The following RAP2A variants were observed in gnomAD, a reference collection of about 807,000 sequenced individuals.
RAP2A encodes the protein ras-related protein Rap-2a.
A neutral mutation model predicts 15.1 loss-of-function variants in RAP2A; 5 were observed. That is an observed-to-expected ratio of 0.33 (90% CI 0.17 to 0.70). RAP2A has a LOEUF of 0.70. Among genes scored for constraint, RAP2A ranks in the 30% least tolerant of loss-of-function variants. RAP2A has a pLI of 0.68. For missense variants in RAP2A, 111 were observed against 240.3 expected, an observed-to-expected ratio of 0.46 and a Z score of 3.56; for synonymous variants, 110 against 99.7, an observed-to-expected ratio of 1.10 and a Z score of -0.62.
rs1034218141 is a variant in RAP2A, at chr13:97,434,314, CGCCGCCGCCGGCGCCCAG to C, written c.-155_-138del. 5.1e-6 allele frequency: 2 copies of C among 388,874 alleles called. No individual in the cohort carries two copies. Among genetic ancestry groups the C allele is most frequent in the African/African-American group, 4.5e-5 (2 of 44,482 alleles). The allele number at this position is 388,874 out of a possible 1,614,324, so 24.1% of individuals were successfully genotyped here. ...GGGCCGCTGCTCCCTCAGTTGCCGC[CGCCGCCGCCGGCGCCCAG>C]GGGGCCGCCGCGGCTGTGAGGTGGG... On this transcript the variant is annotated 5_prime_UTR_variant, in exon 1 of 2. Transcript: ENST00000245304.
At chr13:97,444,494 A>C (rs920074405) in intron 1 of RAP2A, among the ~76,000 whole-genome samples, 35 of 152,286 alleles carry the variant, frequency 2.3e-4, no homozygotes, top group African/African-American at 7.9e-4. Flanking sequence ...TTAATAATCA[A>C]ATTGAGAAAA....
Position 97,464,560 on chromosome 13 carries a change from C to A in RAP2A, c.*118C>A. ...GTGTTAATCTACAGAGAACTGCAGC[C>A]CTTATTCAGAATTGAGCAGTGATTG... is the stretch of plus-strand genomic sequence containing the variant. On this transcript the variant is annotated 3_prime_UTR_variant, in exon 2 of 2. Transcript: ENST00000245304. 1 of 938,532 alleles carries A rather than the reference C, an allele frequency of 1.1e-6. No homozygotes were observed. The highest frequency in any genetic ancestry group is 2.4e-5 in the East Asian group (1 of 41,350). The allele number at this position is 938,532 out of a possible 1,614,324, so 58.1% of individuals were successfully genotyped here. A position where few individuals can be genotyped will look rare whatever the true frequency, so the allele number is the denominator to read the frequency against.
At chr13:97,458,582 A>G (rs1306940303) in intron 1 of RAP2A, among the ~76,000 whole-genome samples, 2 of 152,146 alleles carry the variant, frequency 1.3e-5, no homozygotes, top group Non-Finnish European at 2.9e-5. Flanking sequence ...ATATAGACAT[A>G]TTACATATTT....
At position 97,465,698 on chromosome 13, in the gene RAP2A, T is replaced by C. The variant is rs2066767705; in HGVS notation, c.*1256T>C. The C allele has an allele frequency of 6.6e-6, 1 of 152,206 alleles. No individual in the cohort carries two copies. Among genetic ancestry groups the C allele is most frequent in the Non-Finnish European group, 1.5e-5 (1 of 68,034 alleles). 9.4% of individuals were successfully genotyped at this position (152,206 alleles called of 1,614,324 possible). ...AATAAAGCTGGAGTGAAAATTTTGTTTTGAAAAGGTGCTCAAGCTCTGACA... is the reference window on the plus strand; with the variant it reads ...AATAAAGCTGGAGTGAAAATTTTGTCTTGAAAAGGTGCTCAAGCTCTGACA... On this transcript the variant is annotated 3_prime_UTR_variant, in exon 2 of 2. Coordinates refer to ENST00000245304, the MANE Select transcript of RAP2A (RefSeq NM_021033.7).
intron 1 of RAP2A, among the ~76,000 whole-genome samples, chr13:97,450,721 T>G (rs954806469): frequency 4.6e-5 from 7 of 152,244 alleles, no homozygotes; most frequent in African/African-American, 1.7e-4. Flanking sequence ...TTCTAAATGA[T>G]AAGGTTTGGG....
Position 97,468,177 on chromosome 13 carries a change from A to G in RAP2A, c.*3735A>G, listed in dbSNP as rs909990601. On this transcript the variant is annotated 3_prime_UTR_variant, in exon 2 of 2. Transcript: ENST00000245304. ...CATAGTCTTTAAAAATAAAAATAAC[A>G]TGTAAGAGACTGTAAAATCAGTTAT... is the stretch of plus-strand genomic sequence containing the variant. 2 of 152,186 alleles carry G rather than the reference A, an allele frequency of 1.3e-5. No homozygotes were observed. The highest frequency in any genetic ancestry group is 4.8e-5 in the African/African-American group (2 of 41,460). 9.4% of individuals were successfully genotyped at this position (152,186 alleles called of 1,614,324 possible).
At chr13:97,447,621 TAAAG>T (rs1457945089) in intron 1 of RAP2A, among the ~76,000 whole-genome samples, 3 of 152,222 alleles carry the variant, frequency 2.0e-5, no homozygotes, top group African/African-American at 7.2e-5. Flanking sequence ...CAAGGCATGA[TAAAG>T]AAAAATAATA....
rs1177765177 is a variant in RAP2A, at chr13:97,468,028, G to A, written c.*3586G>A. 2 of 152,180 alleles carry A rather than the reference G, an allele frequency of 1.3e-5. No homozygotes were observed. The highest frequency in any genetic ancestry group is 1.3e-4 in the Admixed American group (2 of 15,276). The allele number at this position is 152,180 out of a possible 1,614,324, so 9.4% of individuals were successfully genotyped here. On this transcript the variant is annotated 3_prime_UTR_variant, in exon 2 of 2. Coordinates refer to ENST00000245304, the MANE Select transcript of RAP2A (RefSeq NM_021033.7). ...CTTTGTTTTGTACATGCTCATGAGAGAAATGTATTATATACAAAAACAATT... is the reference window on the plus strand; with the variant it reads ...CTTTGTTTTGTACATGCTCATGAGAAAAATGTATTATATACAAAAACAATT...
chr13:97,444,562 T>G (rs963755117), intron 1 of RAP2A, among the ~76,000 whole-genome samples: 2 of 152,198 alleles, frequency 1.3e-5, no homozygotes, highest in Admixed American at 6.5e-5. Flanking sequence ...GCCACCTCAT[T>G]TGCATAGCAT....
rs2066772440 is a variant in RAP2A, at chr13:97,466,561, A to G, written c.*2119A>G. ...ATGATTCTTTAGAATTCTATAATTC[A>G]TAGCAATTTTTGACAAGTAAGATTG... On this transcript the variant is annotated 3_prime_UTR_variant, in exon 2 of 2. Transcript: ENST00000245304. 6.6e-6 allele frequency: 1 copy of G among 152,258 alleles called. No homozygotes were observed. Among genetic ancestry groups the G allele is most frequent in the Non-Finnish European group, 1.5e-5 (1 of 68,048 alleles). The allele number at this position is 152,258 out of a possible 1,614,324, so 9.4% of individuals were successfully genotyped here.
At chr13:97,435,236 C>T (rs917327354) in intron 1 of RAP2A, among the ~76,000 whole-genome samples, 3 of 152,110 alleles carry the variant, frequency 2.0e-5, no homozygotes, top group Admixed American at 1.3e-4. Flanking sequence ...GGAGACCTTT[C>T]TCATCTCGTT....
Position 97,465,511 on chromosome 13 carries a change from G to GCATTTTAAAAATTGAA in RAP2A, c.*1070_*1085dup, listed in dbSNP as rs1234426755. On this transcript the variant is annotated 3_prime_UTR_variant, in exon 2 of 2. Transcript: ENST00000245304. Reference sequence around the variant, plus strand: ...TTGCTGTAGCAGAGCTTTATTGCAGGCATTTTAAAAATTGAATAACCATGT... The same window carrying GCATTTTAAAAATTGAA: ...TTGCTGTAGCAGAGCTTTATTGCAGGCATTTTAAAAATTGAACATTTTAAAAATTGAATAACCATGT... 6.6e-6 allele frequency: 1 copy of GCATTTTAAAAATTGAA among 152,622 alleles called. No individual in the cohort carries two copies. Among genetic ancestry groups the GCATTTTAAAAATTGAA allele is most frequent in the Non-Finnish European group, 1.5e-5 (1 of 68,048 alleles). The allele number at this position is 152,622 out of a possible 1,614,324, so 9.5% of individuals were successfully genotyped here.
chr13:97,440,106 T>G (rs141025814), intron 1 of RAP2A, among the ~76,000 whole-genome samples: 2 of 152,102 alleles, frequency 1.3e-5, no homozygotes, highest in African/African-American at 4.8e-5. Context: ...TCAAAAGATG[T>G]CTGTCCCAAG....
chr13:97,437,187 CA>C (rs2066637722), intron 1 of RAP2A: 1 of 152,128 alleles, frequency 6.6e-6, no homozygotes, highest in Non-Finnish European at 1.5e-5. Flanking sequence ...AAAATAGAAT[CA>C]TTTTGACATG....
At chr13:97,460,769 T>C (rs1163219605) in intron 1 of RAP2A, among the ~76,000 whole-genome samples, 2 of 152,204 alleles carry the variant, frequency 1.3e-5, no homozygotes, top group Non-Finnish European at 2.9e-5. Context: ...GCCCGCTGTT[T>C]GGGAATGCTT....
chr13:97,439,516 G>C (rs575165679), intron 1 of RAP2A, among the ~76,000 whole-genome samples: 1 of 152,316 alleles, frequency 6.6e-6, no homozygotes, highest in East Asian at 1.9e-4. Context: ...TGAACAAATA[G>C]GATTATGGAG....
At chr13:97,455,538 C>T (rs1365069303) in intron 1 of RAP2A, among the ~76,000 whole-genome samples, 1 of 151,458 alleles carries the variant, frequency 6.6e-6, no homozygotes, top group African/African-American at 2.4e-5. Context: ...TAGCCAATAA[C>T]CAACCCACTG....
In RAP2A at chr13:97,464,120, G is replaced by A. The variant is rs2066759607; in HGVS notation, c.315-85G>A. On this transcript the variant is annotated intron_variant, in intron 1 of 1. Coordinates refer to ENST00000245304, the MANE Select transcript of RAP2A (RefSeq NM_021033.7). ...TGAAGATACCATTTATGTTGGAATAGCCCCCAAAAACGAAAATACACGTGA... is the reference window on the plus strand; with the variant it reads ...TGAAGATACCATTTATGTTGGAATAACCCCCAAAAACGAAAATACACGTGA... 9 of 1,200,728 alleles carry A rather than the reference G, an allele frequency of 7.5e-6. No homozygotes were observed. The South Asian group carries it at 1.1e-4, about 14-fold the overall frequency. The allele number at this position is 1,200,728 out of a possible 1,614,324, so 74.4% of individuals were successfully genotyped here. A position where few individuals can be genotyped will look rare whatever the true frequency, so the allele number is the denominator to read the frequency against.
At chr13:97,446,433 T>A (rs993413496) in intron 1 of RAP2A, among the ~76,000 whole-genome samples, 5 of 152,228 alleles carry the variant, frequency 3.3e-5, no homozygotes, top group Admixed American at 2.0e-4. Context: ...TGCTCAGTTT[T>A]GAAAGATGAC....
Sources: allele counts gnomAD v4.1 joint callset (sites outside exome capture counted in the v4.1 genomes callset), GRCh38; gene constraint gnomAD v4.1.1; transcripts MANE v1.5; gene names NCBI Gene and HGNC (gene_info 2026-07-23, HGNC 2026-07-21).